Variants in SNTG1 observed in about 807,000 individuals in gnomAD.
The protein encoded by SNTG1 is gamma-1-syntrophin.
In SNTG1, 39 loss-of-function variants were observed where a neutral mutation model predicts 74.7. The observed-to-expected ratio is 0.52, with a 90% confidence interval of 0.40 to 0.68. The LOEUF is 0.68. Ranked by LOEUF, SNTG1 falls within the 30% of genes least tolerant of loss-of-function variation. The pLI is 0.00. For missense variants in SNTG1, 685 were observed against 609.5 expected (o/e 1.12, Z -1.30); for synonymous variants, 254 against 217.1 (o/e 1.17, Z -1.49).
chr8:50,080,267 T>G (rs1822285337), intron 1 of SNTG1, among the ~76,000 whole-genome samples: 1 of 152,216 alleles, frequency 6.6e-6, no homozygotes, highest in Non-Finnish European at 1.5e-5. Flanking sequence ...TGTCTGTTAT[T>G]GATAAAACTA....
At chr8:50,490,618 C>T (rs1407775027) in intron 8 of SNTG1, among the ~76,000 whole-genome samples, 4 of 152,188 alleles carry the variant, frequency 2.6e-5, no homozygotes, top group Non-Finnish European at 4.4e-5. Context: ...TTGAAAGCAA[C>T]AAAAATTGTC....
intron 12 of SNTG1, among the ~76,000 whole-genome samples, chr8:50,559,433 T>A (rs1044031551): frequency 2.6e-5 from 4 of 151,908 alleles, no homozygotes; most frequent in Non-Finnish European, 5.9e-5. Context: ...TAATACCTAC[T>A]AAAAGAAGTT....
intron 4 of SNTG1, among the ~76,000 whole-genome samples, chr8:50,416,181 T>C (rs1318115707): frequency 4.6e-5 from 7 of 152,196 alleles, no homozygotes; most frequent in Non-Finnish European, 8.8e-5. Flanking sequence ...GTATGGATAT[T>C]GGTTTTTGCA....
chr8:50,069,737 C>T (rs1161702751), intron 1 of SNTG1, among the ~76,000 whole-genome samples: 3 of 151,696 alleles, frequency 2.0e-5, no homozygotes, highest in African/African-American at 7.3e-5. Flanking sequence ...CATGTTGAAT[C>T]CCTGGTGTGG....
In SNTG1 at chr8:50,531,552, T is replaced by C. The variant is rs368664366; in HGVS notation, c.549+1293T>C. On this transcript the variant is annotated intron_variant, in intron 10 of 18. Coordinates refer to ENST00000642720, the MANE Select transcript of SNTG1 (RefSeq NM_018967.5). ...CTTCGATAATTTCGATCCACTTCTG[T>C]TTTCCTTCACCGCGCTGGTGCACCT... Among the ~76,000 whole-genome samples, 12 of 152,300 alleles carry C rather than the reference T, an allele frequency of 7.9e-5. No individual in the cohort carries two copies. In the East Asian group the frequency reaches 1.9e-3, roughly 25 times the overall value.
At position 50,783,544 on chromosome 8, in the gene SNTG1, G is replaced by A. The variant is rs535035905; in HGVS notation, c.1396-9127G>A. On this transcript the variant is annotated intron_variant, in intron 18 of 18. Coordinates refer to ENST00000642720, the MANE Select transcript of SNTG1 (RefSeq NM_018967.5). ...TCCTGGTGTGCCATTTTTTAAGCCC[G>A]TGGGAAAAGCACAGTATTCGGGTGG... is the stretch of plus-strand genomic sequence containing the variant. Among the ~76,000 whole-genome samples, 375 of 152,326 alleles carry A rather than the reference G, an allele frequency of 2.5e-3. 1 individual carries two copies. The highest frequency in any genetic ancestry group is 7.0e-3 in the African/African-American group (289 of 41,568).
chr8:50,244,227 A>T (rs1260612753), intron 2 of SNTG1, among the ~76,000 whole-genome samples: 1 of 152,142 alleles, frequency 6.6e-6, no homozygotes, highest in East Asian at 1.9e-4. Context: ...GGACAGCACC[A>T]AGCCATGAGA....
At chr8:50,520,854 G>A (rs1175938589) in intron 9 of SNTG1, among the ~76,000 whole-genome samples, 5 of 152,166 alleles carry the variant, frequency 3.3e-5, no homozygotes, top group African/African-American at 1.2e-4. Context: ...CATTGTGAAA[G>A]ATAGGGTGGC....
intron 8 of SNTG1, chr8:50,491,179 T>C (rs1334492548): frequency 6.6e-6 from 1 of 152,140 alleles, no homozygotes; most frequent in Non-Finnish European, 1.5e-5. Context: ...CTCCCCAGAG[T>C]TTACACGTGA....
At chr8:49,938,394 A>AGCATGT (rs1391677295) in intron 1 of SNTG1, among the ~76,000 whole-genome samples, 1 of 152,152 alleles carries the variant, frequency 6.6e-6, no homozygotes, top group Non-Finnish European at 1.5e-5. Flanking sequence ...TAGACAAAGG[A>AGCATGT]GCATGTGCAT....
intron 12 of SNTG1, among the ~76,000 whole-genome samples, chr8:50,576,422 G>A (rs1389351366): frequency 6.6e-6 from 1 of 152,092 alleles, no homozygotes; most frequent in Non-Finnish European, 1.5e-5. Context: ...ATTGTTCTTT[G>A]TTAAGATTGT....
intron 4 of SNTG1, among the ~76,000 whole-genome samples, chr8:50,422,336 A>ATATCG (rs68139738): frequency 2.0e-4 from 1 of 4,948 alleles, no homozygotes; most frequent in East Asian, 0.12. Context: ...ACAAAAAGAT[A>ATATCG]TATAGAAGGA....
At chr8:50,582,260 C>A (rs1324428614) in intron 12 of SNTG1, among the ~76,000 whole-genome samples, 1 of 152,152 alleles carries the variant, frequency 6.6e-6, no homozygotes, top group Non-Finnish European at 1.5e-5. Flanking sequence ...TATTCTCTGT[C>A]TTCATTCATT....
intron 3 of SNTG1, among the ~76,000 whole-genome samples, chr8:50,398,982 C>T (rs1368132890): frequency 6.6e-6 from 1 of 152,062 alleles, no homozygotes; most frequent in Non-Finnish European, 1.5e-5. Context: ...TACTATGAGG[C>T]CAGGGAATGT....
intron 1 of SNTG1, among the ~76,000 whole-genome samples, chr8:50,116,448 C>T (rs1332732958): frequency 1.3e-5 from 2 of 152,098 alleles, no homozygotes; most frequent in Non-Finnish European, 2.9e-5. Flanking sequence ...CTTTGATTTA[C>T]GTTGCTTATA....
At chr8:50,677,628 T>C (rs1275616646) in intron 15 of SNTG1, among the ~76,000 whole-genome samples, 1 of 152,020 alleles carries the variant, frequency 6.6e-6, no homozygotes, top group Non-Finnish European at 1.5e-5. Flanking sequence ...TTACATAGTA[T>C]ATGATTGTAA....
At chr8:50,689,089 A>ATTTTTCT (rs199963937) in intron 15 of SNTG1, among the ~76,000 whole-genome samples, 1 of 138,374 alleles carries the variant, frequency 7.2e-6, no homozygotes, top group Non-Finnish European at 1.5e-5. Flanking sequence ...AATGTTTGTG[A>ATTTTTCT]ACATTGATTT....
intron 1 of SNTG1, among the ~76,000 whole-genome samples, chr8:50,041,354 G>A (rs1211327633): frequency 6.6e-6 from 1 of 152,062 alleles, no homozygotes; most frequent in Non-Finnish European, 1.5e-5. Context: ...ATGAGTTTTT[G>A]AAATTTTTCA....
At position 49,985,514 on chromosome 8, in the gene SNTG1, G is replaced by A. The variant is rs894170774; in HGVS notation, c.-103+73283G>A. 3.3e-5 allele frequency among the ~76,000 whole-genome samples: 5 copies of A among 152,068 alleles called. No individual in the cohort carries two copies. The East Asian group carries it at 9.6e-4, about 29-fold the overall frequency. On this transcript the variant is annotated intron_variant, in intron 1 of 18. Transcript: ENST00000642720. Reference sequence around the variant, plus strand: ...GAGGATATTAACAATATTAAGTTGTGATACCATTTTGTTAATATAGATTAG... The same window carrying A: ...GAGGATATTAACAATATTAAGTTGTAATACCATTTTGTTAATATAGATTAG...
Sources: allele counts gnomAD v4.1 joint callset (sites outside exome capture counted in the v4.1 genomes callset), GRCh38; gene constraint gnomAD v4.1.1; transcripts MANE v1.5; gene names NCBI Gene and HGNC (gene_info 2026-07-23, HGNC 2026-07-21).